Variants in RBM47 observed in about 807,000 individuals in gnomAD.
RBM47 encodes RNA binding motif protein 47, also known as RNA-binding protein 47.
Under a neutral mutation model 47.1 loss-of-function variants are expected in RBM47, and 21 were observed. The ratio of observed to expected loss-of-function variants is 0.45; its 90% CI spans 0.32 to 0.64. RBM47 has a LOEUF of 0.64. Ranked by LOEUF, RBM47 falls within the 30% of genes least tolerant of loss-of-function variation. RBM47 has a pLI of 0.05. For synonymous variants in RBM47, 375 were observed against 361.7 expected, an observed-to-expected ratio of 1.04 and a Z score of -0.42; for missense variants, 708 against 870.9, an observed-to-expected ratio of 0.81 and a Z score of 2.35.
Position 40,436,610 on chromosome 4 carries a change from G to GC in RBM47, c.1160dup (p.Asn388GlnfsTer7). On this transcript the variant is annotated frameshift_variant, in exon 5 of 7. Coordinates refer to ENST00000295971, the MANE Select transcript of RBM47 (RefSeq NM_001098634.2). LOFTEE classifies it high-confidence loss of function. ...AACCCCTAGGCCCTGGGGCTCTGTT[G>GC]CCAGCTGCACCTCGCCCTCGGCCTC... 6.2e-7 allele frequency: 1 copy of GC among 1,614,104 alleles called. No homozygotes were observed. The highest frequency in any genetic ancestry group is 8.5e-7 in the Non-Finnish European group (1 of 1,180,022).
intron 1 of RBM47, among the ~76,000 whole-genome samples, chr4:40,607,696 G>C (rs1443460375): frequency 1.3e-5 from 2 of 151,206 alleles, no homozygotes; most frequent in Admixed American, 6.6e-5. Context: ...CACAGAGTGA[G>C]ACCATGTCTC....
chr4:40,508,311 T>C (rs1393817887), intron 2 of RBM47, among the ~76,000 whole-genome samples: 1 of 152,198 alleles, frequency 6.6e-6, no homozygotes, highest in Non-Finnish European at 1.5e-5. Context: ...ACAGCCAACA[T>C]AGAGCACTTA....
chr4:40,623,275 T>C (rs1737436873), intron 1 of RBM47, among the ~76,000 whole-genome samples: 1 of 152,224 alleles, frequency 6.6e-6, no homozygotes, highest in African/African-American at 2.4e-5. Context: ...GCCAAACTAC[T>C]GTTTGCACCA....
chr4:40,552,412 A>G (rs1729649257), intron 1 of RBM47, among the ~76,000 whole-genome samples: 1 of 151,976 alleles, frequency 6.6e-6, no homozygotes, highest in Non-Finnish European at 1.5e-5. Flanking sequence ...ATAAATAAAT[A>G]AATAAATAAT....
chr4:40,591,055 G>A (rs1734092220), intron 1 of RBM47, among the ~76,000 whole-genome samples: 3 of 152,196 alleles, frequency 2.0e-5, no homozygotes, highest in Middle Eastern at 3.4e-3. Context: ...CACCTGCCTC[G>A]GCCTCCCAAA....
intron 1 of RBM47, among the ~76,000 whole-genome samples, chr4:40,595,611 G>C (rs1483497849): frequency 6.6e-6 from 1 of 152,090 alleles, no homozygotes; most frequent in Non-Finnish European, 1.5e-5. Flanking sequence ...GATCAGGCCG[G>C]GTGCTGTGGC....
In RBM47 at chr4:40,492,800, C is replaced by T. The variant is rs142211902; in HGVS notation, c.-154-26101G>A. ...CTGTGTGTGTGTGTGTGTGTGTACG[C>T]GCACACACGAGTGTGCAGTGTGATG... On this transcript the variant is annotated intron_variant, in intron 2 of 6. Coordinates refer to ENST00000295971, the MANE Select transcript of RBM47 (RefSeq NM_001098634.2). Among the ~76,000 whole-genome samples, 1,434 of 150,346 alleles carry T rather than the reference C, an allele frequency of 9.5e-3. 26 individuals carry two copies. Among genetic ancestry groups the T allele is most frequent in the African/African-American group, 0.034 (1,351 of 40,104 alleles).
intron 1 of RBM47, among the ~76,000 whole-genome samples, chr4:40,595,339 CA>C (rs1201372366): frequency 2.0e-5 from 3 of 151,814 alleles, no homozygotes; most frequent in Admixed American, 6.6e-5. Flanking sequence ...ACCAAAAATA[CA>C]AAAATTAGCC....
chr4:40,623,944 C>T (rs535414478), intron 1 of RBM47, among the ~76,000 whole-genome samples: 6 of 151,786 alleles, frequency 4.0e-5, no homozygotes, highest in Non-Finnish European at 1.5e-5. Flanking sequence ...CTCCGCCTCC[C>T]GATCTCAAGG....
At chr4:40,539,368 A>G (rs1728273480) in intron 2 of RBM47, among the ~76,000 whole-genome samples, 1 of 152,152 alleles carries the variant, frequency 6.6e-6, no homozygotes, top group Non-Finnish European at 1.5e-5. Flanking sequence ...TATGGACCAC[A>G]TGAGTTTTAC....
At chr4:40,436,323 TAGG>T (rs1472786676) in intron 5 of RBM47, 115 bp downstream of exon 5, 13 of 971,126 alleles carry the variant, frequency 1.3e-5, no homozygotes, top group Middle Eastern at 2.3e-4. Context: ...TCTAGCTGCC[TAGG>T]AGAAGAGGAA....
chr4:40,541,535 G>A (rs1728542837), intron 2 of RBM47, among the ~76,000 whole-genome samples: 1 of 152,034 alleles, frequency 6.6e-6, no homozygotes. Context: ...TCAGGAGTTC[G>A]AGACCAGCCT....
chr4:40,522,071 A>G (rs1029824362), intron 2 of RBM47, among the ~76,000 whole-genome samples: 2 of 152,222 alleles, frequency 1.3e-5, no homozygotes, highest in Non-Finnish European at 2.9e-5. Flanking sequence ...TATTTTCCAA[A>G]TAACCAACCA....
intron 2 of RBM47, among the ~76,000 whole-genome samples, chr4:40,533,877 G>A (rs1050177540): frequency 5.3e-5 from 8 of 151,022 alleles, no homozygotes; most frequent in African/African-American, 1.9e-4. Flanking sequence ...GTGCAATGGT[G>A]TGATCTCAGC....
At chr4:40,626,448 T>G (rs1319969931) in intron 1 of RBM47, among the ~76,000 whole-genome samples, 1 of 152,224 alleles carries the variant, frequency 6.6e-6, no homozygotes, top group African/African-American at 2.4e-5. Context: ...CTTCCCACAG[T>G]TGCTAGTTTA....
intron 1 of RBM47, among the ~76,000 whole-genome samples, chr4:40,601,120 T>C (rs1269279468): frequency 2.6e-5 from 4 of 151,572 alleles, no homozygotes; most frequent in Non-Finnish European, 2.9e-5. Context: ...ACGGAAGCAA[T>C]GAAGAAGCAT....
intron 2 of RBM47, among the ~76,000 whole-genome samples, chr4:40,499,535 G>A (rs1335750261): frequency 3.9e-5 from 6 of 151,942 alleles, no homozygotes; most frequent in Non-Finnish European, 1.5e-5. Context: ...TCAGCCTCCC[G>A]AGTAGCTGGG....
intron 1 of RBM47, among the ~76,000 whole-genome samples, chr4:40,595,902 C>A (rs1268098612): frequency 4.6e-5 from 7 of 151,334 alleles, no homozygotes; most frequent in African/African-American, 1.5e-4. Flanking sequence ...GAAACTTCGT[C>A]CCCCCTGCCA....
At position 40,438,872 on chromosome 4, in the gene RBM47, C is replaced by T. The variant is rs747158030; in HGVS notation, c.22G>A (p.Ala8Thr). Residue 8 changes from alanine (A) to threonine (T), a missense_variant, in exon 4 of 7, where the codon GCA (alanine) becomes ACA (threonine). Physicochemically the swap from Ala to Thr is moderately conservative, Grantham distance 58. Transcript: ENST00000295971. MTAEDST[A>T]AMSSDSAAGS... ...GCGGCCGAGTCACTGCTCATGGCTG[C>T]GGTGGAATCCTCTGCGGTCATAATG... is the stretch of plus-strand genomic sequence containing the variant. The T allele has an allele frequency of 1.9e-6, 3 of 1,557,552 alleles. No homozygotes were observed. The South Asian group carries it at 3.5e-5, about 18-fold the overall frequency.
Sources: allele counts gnomAD v4.1 joint callset (sites outside exome capture counted in the v4.1 genomes callset), GRCh38; gene constraint gnomAD v4.1.1; transcripts MANE v1.5; gene names NCBI Gene and HGNC (gene_info 2026-07-23, HGNC 2026-07-21).